The following THADA variants were observed in gnomAD, a reference collection of about 807,000 sequenced individuals.
The protein encoded by THADA is THADA armadillo repeat containing.
Under a neutral mutation model 219.8 loss-of-function variants are expected in THADA, and 213 were observed. That is an observed-to-expected ratio of 0.97 (90% CI 0.87 to 1.09). THADA has a LOEUF of 1.09. Ranked by LOEUF, THADA falls within the 50% of genes least tolerant of loss-of-function variation. The pLI, the probability that THADA is intolerant of heterozygous loss-of-function variation, is 0.00. For missense variants in THADA, 2,956 were observed against 2,311.3 expected (o/e 1.28, Z -5.72); for synonymous variants, 1,018 against 828.9 (o/e 1.23, Z -3.92).
chr2:43,509,423 C>T lies in THADA; in HGVS notation c.3375-643G>A, dbSNP rs1039084366. Among the ~76,000 whole-genome samples, 6 of 152,152 alleles carry T rather than the reference C, an allele frequency of 3.9e-5. No homozygotes were observed. The South Asian group carries it at 1.2e-3, about 31-fold the overall frequency. ...ATAAAATTTTTAAATGTATGCCCTA[C>T]TAGACTGTATAACATTGCCCAAGGA... is the stretch of plus-strand genomic sequence containing the variant. On this transcript the variant is annotated intron_variant, in intron 22 of 37. Transcript: ENST00000405975.
intron 31 of THADA, among the ~76,000 whole-genome samples, chr2:43,303,088 G>C (rs985564826): frequency 1.7e-4 from 26 of 152,172 alleles, no homozygotes; most frequent in African/African-American, 6.0e-4. Flanking sequence ...AGCTTCTTGA[G>C]GCTAGTCTGT....
chr2:43,425,315 C>T (rs907993695), intron 28 of THADA, among the ~76,000 whole-genome samples: 5 of 152,112 alleles, frequency 3.3e-5, no homozygotes, highest in African/African-American at 1.2e-4. Context: ...CTACTTCCTA[C>T]TGACTTCTCT....
At chr2:43,361,083 C>G (rs929482201) in intron 29 of THADA, among the ~76,000 whole-genome samples, 1 of 152,110 alleles carries the variant, frequency 6.6e-6, no homozygotes, top group African/African-American at 2.4e-5. Flanking sequence ...TACCAGTAGA[C>G]AGAGGCCAGG....
chr2:43,540,844 A>C (rs1695200013), intron 21 of THADA, among the ~76,000 whole-genome samples: 1 of 152,214 alleles, frequency 6.6e-6, no homozygotes, highest in South Asian at 2.1e-4. Context: ...TTACTAAATA[A>C]GACAATTTTA....
rs568126035 is a variant in THADA at position 43,554,425 on chromosome 2, A to C, written c.2674+1920T>G. Among the ~76,000 whole-genome samples, 11 of 152,322 alleles carry C rather than the reference A, an allele frequency of 7.2e-5. No homozygotes were observed. In the East Asian group the frequency reaches 2.1e-3, roughly 29 times the overall value. On this transcript the variant is annotated intron_variant, in intron 17 of 37. Coordinates refer to ENST00000405975, the MANE Select transcript of THADA (RefSeq NM_022065.5). Reference sequence around the variant, plus strand: ...TTAGATTTGGTAAAAACAGTAAATTATTATTCAGAACATATAAAAGAACTC... The same window carrying C: ...TTAGATTTGGTAAAAACAGTAAATTCTTATTCAGAACATATAAAAGAACTC...
intron 31 of THADA, among the ~76,000 whole-genome samples, chr2:43,296,563 A>C (rs1675415531): frequency 1.3e-5 from 2 of 152,174 alleles, no homozygotes; most frequent in Non-Finnish European, 2.9e-5. Flanking sequence ...GGTGGGAGCC[A>C]CTGAGCCCAG....
chr2:43,526,572 A>C (rs1370812080), intron 22 of THADA, among the ~76,000 whole-genome samples: 1 of 152,122 alleles, frequency 6.6e-6, no homozygotes, highest in Non-Finnish European at 1.5e-5. Context: ...ATGTTTTATA[A>C]ATTTCACCCA....
chr2:43,476,619 A>C (rs1463668854), intron 26 of THADA, among the ~76,000 whole-genome samples: 2 of 152,142 alleles, frequency 1.3e-5, no homozygotes, highest in Non-Finnish European at 2.9e-5. Context: ...TACTGTGGGG[A>C]TTAGGAATGA....
At chr2:43,543,374 C>A (rs905665524) in intron 20 of THADA, among the ~76,000 whole-genome samples, 21 of 150,450 alleles carry the variant, frequency 1.4e-4, no homozygotes, top group African/African-American at 4.7e-4. Flanking sequence ...ATTTATAGTC[C>A]TTTGGGTATA....
intron 36 of THADA, among the ~76,000 whole-genome samples, chr2:43,266,236 C>T (rs1265713213): frequency 1.3e-5 from 2 of 152,270 alleles, no homozygotes; most frequent in South Asian, 2.1e-4. Flanking sequence ...CCACTTTCAA[C>T]TCCAAAACCA....
intron 28 of THADA, among the ~76,000 whole-genome samples, chr2:43,414,968 T>C (rs573433025): frequency 9.8e-5 from 15 of 152,288 alleles, no homozygotes; most frequent in Non-Finnish European, 7.4e-5. Flanking sequence ...GAAAACACGA[T>C]GCCATGCTTC....
intron 30 of THADA, among the ~76,000 whole-genome samples, chr2:43,326,111 C>CA (rs1679292758): frequency 1.4e-5 from 2 of 138,544 alleles, no homozygotes; most frequent in African/African-American, 5.3e-5. Flanking sequence ...TATATACACA[C>CA]AAACATATGC....
chr2:43,318,168 T>C (rs2104456085), intron 31 of THADA, among the ~76,000 whole-genome samples: 1 of 152,164 alleles, frequency 6.6e-6, no homozygotes, highest in South Asian at 2.1e-4. Context: ...GCCTCCCAAG[T>C]ACCTAGGCCT....
At position 43,545,402 on chromosome 2, in the gene THADA, G is replaced by A. The variant is rs1261326116; in HGVS notation, c.3106+3808C>T. 1.8e-4 allele frequency among the ~76,000 whole-genome samples: 27 copies of A among 152,020 alleles called. 1 individual carries two copies. The South Asian group carries it at 5.4e-3, about 30-fold the overall frequency. On this transcript the variant is annotated intron_variant, in intron 20 of 37. Coordinates refer to ENST00000405975, the MANE Select transcript of THADA (RefSeq NM_022065.5). ...TGCTGGCCTCATAAAATGAGTTAGG[G>A]AGGATTCCCTCTTTTTCTATTGATT... is the stretch of plus-strand genomic sequence containing the variant.
intron 29 of THADA, among the ~76,000 whole-genome samples, chr2:43,386,913 AAG>A (rs1553421114): frequency 1.3e-5 from 2 of 151,696 alleles, no homozygotes; most frequent in African/African-American, 4.9e-5. Flanking sequence ...AAAAAAAAAA[AAG>A]CATAATTACT....
intron 29 of THADA, among the ~76,000 whole-genome samples, chr2:43,357,719 T>A (rs1365947792): frequency 6.6e-6 from 1 of 152,198 alleles, no homozygotes; most frequent in Non-Finnish European, 1.5e-5. Flanking sequence ...GTTGTAGATT[T>A]ATATAGACTC....
chr2:43,243,237 C>A (rs1440513181), intron 36 of THADA, among the ~76,000 whole-genome samples: 1 of 152,178 alleles, frequency 6.6e-6, no homozygotes, highest in East Asian at 1.9e-4. Flanking sequence ...TGACTGCTTC[C>A]CTTCACCCAT....
rs1290195326 is a variant in THADA, at chr2:43,515,336, A to G, written c.3375-6556T>C. The stretch of plus-strand genomic sequence containing the variant: ...TAATATTTTATATATAATATATAAT[A>G]TAATATATAATATTTTATATATAAT... On this transcript the variant is annotated intron_variant, in intron 22 of 37. Coordinates refer to ENST00000405975, the MANE Select transcript of THADA (RefSeq NM_022065.5). Among the ~76,000 whole-genome samples, 77 of 47,872 alleles carry G rather than the reference A, an allele frequency of 1.6e-3. 7 individuals are homozygous for G. The highest frequency in any genetic ancestry group is 6.8e-3 in the African/African-American group (65 of 9,600). 31.4% of individuals were successfully genotyped at this position (47,872 alleles called of 152,430 possible).
intron 36 of THADA, among the ~76,000 whole-genome samples, chr2:43,262,603 C>G (rs964806309): frequency 6.6e-6 from 1 of 152,230 alleles, no homozygotes; most frequent in Non-Finnish European, 1.5e-5. Flanking sequence ...CAGATTTTGC[C>G]TTTCTTTAAA....
Sources: allele counts gnomAD v4.1 joint callset (sites outside exome capture counted in the v4.1 genomes callset), GRCh38; gene constraint gnomAD v4.1.1; transcripts MANE v1.5; gene names NCBI Gene and HGNC (gene_info 2026-07-23, HGNC 2026-07-21).